Variants in CCDC88A observed in about 807,000 individuals in gnomAD.
CCDC88A encodes girdin.
Under a neutral mutation model 234.3 loss-of-function variants are expected in CCDC88A, and 54 were observed. The ratio of observed to expected loss-of-function variants is 0.23; its 90% confidence interval spans 0.19 to 0.29. The LOEUF is 0.29. Ranked by LOEUF, CCDC88A falls within the 10% of genes least tolerant of loss-of-function variation. The pLI is 1.00. For synonymous variants in CCDC88A, 753 were observed against 737.8 expected (o/e 1.02, Z -0.33); for missense variants, 1,832 against 2,123.4 (o/e 0.86, Z 2.70).
intron 6 of CCDC88A, 175 bp downstream of exon 6, chr2:55,363,775 G>A: frequency 2.1e-6 from 1 of 483,702 alleles, no homozygotes; most frequent in South Asian, 3.7e-5. Flanking sequence ...TTAACAGTGT[G>A]CCAAGTGTAA....
chr2:55,374,289 A>G (rs1264364906), intron 4 of CCDC88A, among the ~76,000 whole-genome samples: 1 of 152,054 alleles, frequency 6.6e-6, no homozygotes, highest in East Asian at 1.9e-4. Flanking sequence ...AATCGCTTGA[A>G]CCCAGGAGGT....
At chr2:55,372,848 G>T (rs1042451364) in intron 4 of CCDC88A, among the ~76,000 whole-genome samples, 1 of 152,156 alleles carries the variant, frequency 6.6e-6, no homozygotes, top group African/African-American at 2.4e-5. Flanking sequence ...GGTTGATACA[G>T]GGACATGCCA....
chr2:55,393,014 C>G (rs569758476), intron 2 of CCDC88A, among the ~76,000 whole-genome samples: 2 of 151,904 alleles, frequency 1.3e-5, no homozygotes, highest in African/African-American at 4.8e-5. Context: ...ACATAGTGAT[C>G]TTTTCTATCA....
chr2:55,321,923 TA>T (rs5831352), intron 18 of CCDC88A, among the ~76,000 whole-genome samples: 130,835 of 146,412 alleles, frequency 0.89, 59,091 homozygotes, highest in East Asian at 0.97. Context: ...TGTGTTAAAT[TA>T]AAAAAAAAAA....
chr2:55,349,341 A>G, intron 9 of CCDC88A, 177 bp downstream of exon 9: 1 of 579,026 alleles, frequency 1.7e-6, no homozygotes, highest in Non-Finnish European at 3.0e-6. Context: ...TATGGAAGAA[A>G]GTTTGGCTCT....
intron 8 of CCDC88A, among the ~76,000 whole-genome samples, chr2:55,352,191 G>C (rs1425953686): frequency 6.6e-6 from 1 of 152,058 alleles, no homozygotes; most frequent in Non-Finnish European, 1.5e-5. Context: ...CCAGCACTTT[G>C]GGAGGCTGAG....
At chr2:55,368,808 A>C (rs543645605) in intron 5 of CCDC88A, among the ~76,000 whole-genome samples, 1 of 152,332 alleles carries the variant, frequency 6.6e-6, no homozygotes, top group Admixed American at 6.5e-5. Flanking sequence ...CTGTTCAACT[A>C]TAAGATGAAC....
In CCDC88A at chr2:55,309,252, T is replaced by C. The variant is rs1049698629; in HGVS notation, c.4082A>G (p.Asp1361Gly). 1.1e-5 allele frequency: 15 copies of C among 1,334,330 alleles called. No individual in the cohort carries two copies. Among genetic ancestry groups the C allele is most frequent in the Non-Finnish European group, 1.6e-5 (15 of 947,796 alleles). 82.7% of individuals were successfully genotyped at this position (1,334,330 alleles called of 1,614,324 possible). A position where few individuals can be genotyped will look rare whatever the true frequency, so the allele number is the denominator to read the frequency against. ...CTGACGTCTTAATTCATTTAACTTATCACTATAAAATAAAAATTACCTTTT... is the reference window on the plus strand; with the variant it reads ...CTGACGTCTTAATTCATTTAACTTACCACTATAAAATAAAAATTACCTTTT... ...LFHVEQRQYI[D>G]KLNELRRQKE... Residue 1361 changes from aspartate to glycine, a missense_variant and splice_region_variant, in exon 24 of 33, where the codon GAT becomes GGT. Around this residue, in one of 6 missense-constraint regions of CCDC88A, gnomAD observed 1,282 missense variants for 1,543.6 expected, o/e 0.83. Transcript: ENST00000436346. This position sits in a 1 kb window ranked among gnomAD's most constrained non-coding sequence, Gnocchi z 5.1.
At chr2:55,369,410 C>G (rs1672496902) in intron 5 of CCDC88A, among the ~76,000 whole-genome samples, 1 of 150,356 alleles carries the variant, frequency 6.7e-6, no homozygotes, top group South Asian at 2.1e-4. Flanking sequence ...AGTCTAATAC[C>G]TTGCCACTCA....
intron 3 of CCDC88A, among the ~76,000 whole-genome samples, chr2:55,382,508 T>C (rs1010217402): frequency 1.3e-5 from 2 of 152,162 alleles, no homozygotes; most frequent in Admixed American, 6.6e-5. Context: ...CAGGGTTCTA[T>C]AGACAACTAA....
chr2:55,346,744 A>G lies in CCDC88A; in HGVS notation c.883-411T>C, dbSNP rs529725690. 7.2e-5 allele frequency among the ~76,000 whole-genome samples: 11 copies of G among 152,338 alleles called. No homozygotes were observed. In the South Asian group the frequency reaches 1.9e-3, roughly 26 times the overall value. On this transcript the variant is annotated intron_variant, in intron 9 of 32. Transcript: ENST00000436346. ...TGATAAATTTACTTTAAAAATCAAA[A>G]AAGTACATACTTTAAAATGGTGAAT...
At chr2:55,319,940 T>C (rs1418634462) in intron 18 of CCDC88A, among the ~76,000 whole-genome samples, 2 of 151,844 alleles carry the variant, frequency 1.3e-5, no homozygotes, top group Non-Finnish European at 2.9e-5. Flanking sequence ...ATCACTCTTA[T>C]CATATCTATA....
At chr2:55,321,375 A>G (rs1048244623) in intron 18 of CCDC88A, among the ~76,000 whole-genome samples, 3 of 151,916 alleles carry the variant, frequency 2.0e-5, no homozygotes, top group Admixed American at 1.3e-4. Context: ...GCATGGTGAA[A>G]ACTGTCTCTA....
chr2:55,320,517 A>G (rs2104636063), intron 18 of CCDC88A, among the ~76,000 whole-genome samples: 1 of 152,274 alleles, frequency 6.6e-6, no homozygotes, highest in South Asian at 2.1e-4. Context: ...TTCCAATGAG[A>G]ATTTATAAAG....
rs79242911 is a variant in CCDC88A at position 55,378,738 on chromosome 2, CT to C, written c.274-3856del. Among the ~76,000 whole-genome samples, 172 of 142,774 alleles carry C rather than the reference CT, an allele frequency of 1.2e-3. 1 individual carries two copies. The highest frequency in any genetic ancestry group is 4.0e-3 in the African/African-American group (149 of 37,134). 93.7% of individuals were successfully genotyped at this position (142,774 alleles called of 152,430 possible). A position where few individuals can be genotyped will look rare whatever the true frequency, so the allele number is the denominator to read the frequency against. ...TCAGAGGATTTTTTATACACATATA[CT>C]TTTTTTTTTTTTTTTTTTTTTTTTG... On this transcript the variant is annotated intron_variant, in intron 3 of 32. Transcript: ENST00000436346.
intron 10 of CCDC88A, chr2:55,345,936 T>C (rs1669061754): frequency 3.0e-6 from 1 of 330,764 alleles, no homozygotes; most frequent in South Asian, 8.5e-5. Context: ...TATATGATGC[T>C]AAGAAAAGGA....
intron 2 of CCDC88A, chr2:55,405,851 A>C (rs1679459835): frequency 6.6e-6 from 1 of 152,116 alleles, no homozygotes. Context: ...GCTATACTTA[A>C]TACTTAAGTT....
At chr2:55,302,916 GA>G (rs150867933) in intron 26 of CCDC88A, 152 bp downstream of exon 26, 756 of 541,602 alleles carry the variant, frequency 1.4e-3, no homozygotes, top group South Asian at 2.5e-3. Flanking sequence ...AGTGCCACTT[GA>G]AAAAAAAAAT....
intron 12 of CCDC88A, among the ~76,000 whole-genome samples, chr2:55,342,390 CT>C (rs1459265185): frequency 2.0e-5 from 3 of 152,056 alleles, no homozygotes; most frequent in Admixed American, 6.6e-5. Context: ...ATATTTAATA[CT>C]TGAATGCTTA....
Sources: gnomAD v4.1 joint callset for allele counts (sites outside exome capture counted in the v4.1 genomes callset) on GRCh38, gnomAD v4.1.1 for gene constraint, gnomAD v4.1.1 regional missense constraint, Gnocchi (gnomAD v3.1) non-coding constraint, MANE v1.5 for transcripts, NCBI Gene and HGNC (gene_info 2026-07-23, HGNC 2026-07-21) for gene names.